The following CEP83 variants were observed in gnomAD, a reference collection of about 807,000 sequenced individuals.
CEP83 encodes centrosomal protein 83.
Under a neutral mutation model 101.9 loss-of-function variants are expected in CEP83, and 70 were observed. That is an observed-to-expected ratio of 0.69 (90% confidence interval 0.57 to 0.84). The LOEUF is 0.84. Among genes scored for constraint, CEP83 ranks in the 40% least tolerant of loss-of-function variants. The pLI, the probability that CEP83 is intolerant of heterozygous loss-of-function variation, is 0.00. For missense variants in CEP83, 715 were observed against 787.2 expected, an observed-to-expected ratio of 0.91 and a Z score of 1.10; for synonymous variants, 264 against 267.9, an observed-to-expected ratio of 0.99 and a Z score of 0.14.
At position 94,375,943 on chromosome 12, in the gene CEP83, G is replaced by T; in HGVS notation, c.876C>A (p.Thr292=). 1 of 1,538,148 alleles carries T rather than the reference G, an allele frequency of 6.5e-7. No individual in the cohort carries two copies. The highest frequency in any genetic ancestry group is 8.9e-7 in the Non-Finnish European group (1 of 1,127,268). ...CTTTATGCAATTTATTAATTAAAAA[G>T]GTATTTTGTTCACTGCTTGATTGTA... ...KELQSSSEQN[T]FLINKLHKAE... is the part of the protein sequence containing the mutation. Residue 292 remains threonine (T), a synonymous_variant, in exon 8 of 17, where the codon ACC becomes ACA. Coordinates refer to ENST00000397809, the MANE Select transcript of CEP83 (RefSeq NM_016122.3).
chr12:94,438,034 C>T (rs534438282), intron 1 of CEP83, among the ~76,000 whole-genome samples: 20 of 151,932 alleles, frequency 1.3e-4, no homozygotes, highest in Non-Finnish European at 2.1e-4. Context: ...CTGGCCAACA[C>T]GGCAAAAGCC....
At chr12:94,316,699 G>C (rs1169546970) in intron 14 of CEP83, among the ~76,000 whole-genome samples, 1 of 152,188 alleles carries the variant, frequency 6.6e-6, no homozygotes, top group East Asian at 1.9e-4. Context: ...TTTTGTGTTA[G>C]TTTGCTAAGG....
chr12:94,419,068 C>A (rs1291536160), intron 2 of CEP83, among the ~76,000 whole-genome samples: 1 of 151,296 alleles, frequency 6.6e-6, no homozygotes, highest in Non-Finnish European at 1.5e-5. Flanking sequence ...AAAAAAAAAT[C>A]TTTATATACA....
In CEP83 at chr12:94,321,110, T is replaced by A. The variant is rs370848636; in HGVS notation, c.1708-8093A>T. ...TTTTATTTTTGTCTGACTGTCTTAC[T>A]CCAAAGAGCCAGTATTCAAGTTCTG... is the stretch of plus-strand genomic sequence containing the variant. On this transcript the variant is annotated intron_variant, in intron 14 of 16. Transcript: ENST00000397809. Among the ~76,000 whole-genome samples, 4 of 152,338 alleles carry A rather than the reference T, an allele frequency of 2.6e-5. No homozygotes were observed. The East Asian group carries it at 7.7e-4, about 29-fold the overall frequency.
At chr12:94,428,413 C>T (rs1157268083) in intron 2 of CEP83, among the ~76,000 whole-genome samples, 1 of 152,156 alleles carries the variant, frequency 6.6e-6, no homozygotes, top group Non-Finnish European at 1.5e-5. Flanking sequence ...AATATGGCTG[C>T]TAATACACAA....
chr12:94,303,655 G>A (rs1374907263), downstream of CEP83: 4 of 1,037,998 alleles, frequency 3.9e-6, no homozygotes, highest in Non-Finnish European at 5.3e-6. Flanking sequence ...GTTGGTGGTG[G>A]GGGTTCAGCT....
chr12:94,294,141 G>T, the CEP83 span, among the ~76,000 whole-genome samples: 5 of 152,128 alleles, frequency 3.3e-5, no homozygotes, highest in East Asian at 7.7e-4. Context: ...CTGCGAATTG[G>T]GGGGAATGTC....
At chr12:94,408,040 A>G (rs1445611756) in intron 4 of CEP83, 1 of 152,154 alleles carries the variant, frequency 6.6e-6, no homozygotes, top group East Asian at 1.9e-4. Context: ...CTGGTCTCGA[A>G]CTCCTGACCT....
At chr12:94,454,138 A>G (rs955584739) in intron 1 of CEP83, among the ~76,000 whole-genome samples, 2 of 152,036 alleles carry the variant, frequency 1.3e-5, no homozygotes, top group Non-Finnish European at 2.9e-5. Context: ...AATTGTGCTT[A>G]GTGATCTCAG....
intron 8 of CEP83, among the ~76,000 whole-genome samples, chr12:94,371,889 A>G (rs917537906): frequency 2.0e-5 from 3 of 152,262 alleles, no homozygotes; most frequent in Admixed American, 1.3e-4. Context: ...GGTAACTACA[A>G]TAAGACATCC....
At chr12:94,342,767 G>A (rs2059739985) in intron 11 of CEP83, among the ~76,000 whole-genome samples, 1 of 151,292 alleles carries the variant, frequency 6.6e-6, no homozygotes, top group Non-Finnish European at 1.5e-5. Flanking sequence ...AGTGGTGATG[G>A]TATCAGACAA....
chr12:94,304,243 A>C, downstream of CEP83: 1 of 483,432 alleles, frequency 2.1e-6, no homozygotes, highest in South Asian at 3.3e-5. Context: ...CAGTTTTATC[A>C]TGCTGCCCAC....
At chr12:94,379,070 A>G (rs746156544) in intron 6 of CEP83, 28 bp from the exon 7 acceptor site, 1 of 1,533,492 alleles carries the variant, frequency 6.5e-7, no homozygotes, top group Admixed American at 1.9e-5. Context: ...GAAAGCATAC[A>G]AGGTTAAATT....
intron 6 of CEP83, among the ~76,000 whole-genome samples, chr12:94,391,187 A>G (rs575020691): frequency 1.3e-5 from 2 of 152,206 alleles, no homozygotes; most frequent in Non-Finnish European, 2.9e-5. Flanking sequence ...AGATGCACCA[A>G]GGTTGAAATG....
intron 6 of CEP83, among the ~76,000 whole-genome samples, chr12:94,393,061 G>A (rs1308448948): frequency 1.3e-5 from 2 of 152,188 alleles, no homozygotes; most frequent in African/African-American, 4.8e-5. Flanking sequence ...AGAGGAACTG[G>A]TACCATTCCT....
the CEP83 span, among the ~76,000 whole-genome samples, chr12:94,299,429 C>T: frequency 6.6e-6 from 1 of 152,176 alleles, no homozygotes; most frequent in African/African-American, 2.4e-5. Context: ...TCAAGGCTTT[C>T]CAGGCACTGA....
intron 12 of CEP83, among the ~76,000 whole-genome samples, chr12:94,334,095 C>T (rs936530370): frequency 2.6e-5 from 4 of 152,108 alleles, no homozygotes; most frequent in African/African-American, 9.7e-5. Context: ...ACCCTGAGAT[C>T]AGCAACCTTC....
At chr12:94,392,679 C>T (rs200051080) in intron 6 of CEP83, among the ~76,000 whole-genome samples, 1 of 152,042 alleles carries the variant, frequency 6.6e-6, no homozygotes, top group East Asian at 1.9e-4. Context: ...AAGAACCCTT[C>T]AAAAAAATCA....
intron 8 of CEP83, among the ~76,000 whole-genome samples, chr12:94,372,204 C>T (rs577870160): frequency 8.2e-4 from 124 of 152,108 alleles, no homozygotes; most frequent in Non-Finnish European, 1.3e-3. Context: ...GAACTCCTGA[C>T]CTCGTGATCC....
Sources: gnomAD v4.1 joint callset for allele counts (sites outside exome capture counted in the v4.1 genomes callset) on GRCh38, gnomAD v4.1.1 for gene constraint, MANE v1.5 for transcripts, NCBI Gene and HGNC (gene_info 2026-07-23, HGNC 2026-07-21) for gene names.